Variants in RABGAP1 observed in about 807,000 individuals in gnomAD.
RABGAP1 encodes rab GTPase-activating protein 1.
A neutral mutation model predicts 137.6 loss-of-function variants in RABGAP1; 23 were observed. The ratio of observed to expected loss-of-function variants is 0.17; its 90% CI spans 0.12 to 0.24. RABGAP1 has a LOEUF of 0.24. RABGAP1 is among the 10% of genes least tolerant of loss of function. The pLI, the probability that RABGAP1 is intolerant of heterozygous loss-of-function variation, is 1.00. For synonymous variants in RABGAP1, 451 were observed against 450.7 expected, an observed-to-expected ratio of 1.00 and a Z score of -0.01; for missense variants, 906 against 1,275.8, an observed-to-expected ratio of 0.71 and a Z score of 4.42.
At chr9:123,054,210 G>A (rs1418443057) in intron 13 of RABGAP1, among the ~76,000 whole-genome samples, 1 of 152,172 alleles carries the variant, frequency 6.6e-6, no homozygotes, top group Non-Finnish European at 1.5e-5. Context: ...TTGGGGACAA[G>A]AAAGAAATCA....
chr9:123,007,345 G>C (rs1340388693), intron 10 of RABGAP1, among the ~76,000 whole-genome samples: 1 of 149,184 alleles, frequency 6.7e-6, no homozygotes, highest in African/African-American at 2.5e-5. Context: ...AAATTGCTGG[G>C]ATTATAGGCG....
intron 13 of RABGAP1, among the ~76,000 whole-genome samples, chr9:123,032,106 C>T (rs1157649438): frequency 2.0e-5 from 3 of 152,158 alleles, no homozygotes; most frequent in Non-Finnish European, 4.4e-5. Context: ...AGGAGCCCAG[C>T]CTTAAGCATT....
At position 122,984,562 on chromosome 9, in the gene RABGAP1, G is replaced by T; in HGVS notation, c.228G>T (p.Gln76His). The change falls in exon 3 of 26, where the codon CAG becomes CAT. Residue 76 changes from glutamine (Q) to histidine (H), a missense_variant. Transcript: ENST00000373647. ...DVLMDPPMDD[Q>H]PGEKELVKRS... is the part of the protein sequence containing the mutation. The stretch of plus-strand genomic sequence containing the variant: ...TGATGGATCCTCCAATGGACGACCA[G>T]CCAGGGGAAAAGGAGCTTGTGAAAA... 1.2e-6 allele frequency: 2 copies of T among 1,614,186 alleles called. No individual in the cohort carries two copies. Among genetic ancestry groups the T allele is most frequent in the Non-Finnish European group, 1.7e-6 (2 of 1,180,028 alleles).
chr9:122,982,065 A>T (rs1279790630), intron 2 of RABGAP1, among the ~76,000 whole-genome samples: 1 of 151,998 alleles, frequency 6.6e-6, no homozygotes, highest in African/African-American at 2.4e-5. Context: ...AAAAAAAAAA[A>T]GTATGTGTAC....
intron 1 of RABGAP1, among the ~76,000 whole-genome samples, chr9:122,951,731 G>A (rs996103405): frequency 5.3e-5 from 8 of 152,024 alleles, no homozygotes; most frequent in Admixed American, 2.0e-4. Context: ...CACCACACTT[G>A]ACTAATTTTT....
chr9:123,000,457 A>T lies in RABGAP1; in HGVS notation c.1374+1691A>T, dbSNP rs748192676. Among the ~76,000 whole-genome samples, 39 of 152,068 alleles carry T rather than the reference A, an allele frequency of 2.6e-4. 1 individual carries two copies. Among genetic ancestry groups the T allele is most frequent in the Non-Finnish European group, 4.7e-4 (32 of 67,998 alleles). The stretch of plus-strand genomic sequence containing the variant: ...AAGGTCACCACTGATTTAAATTGCT[A>T]ATCTGAGTCCTCATCTTGACCTGTC... On this transcript the variant is annotated intron_variant, in intron 10 of 25. Coordinates refer to ENST00000373647, the MANE Select transcript of RABGAP1 (RefSeq NM_012197.4).
intron 1 of RABGAP1, among the ~76,000 whole-genome samples, chr9:122,949,111 C>G (rs1834089691): frequency 6.6e-6 from 1 of 152,184 alleles, no homozygotes. Context: ...TGCGGTGGCT[C>G]ACGCTTGTAA....
At chr9:123,005,665 A>G (rs1178747982) in intron 10 of RABGAP1, among the ~76,000 whole-genome samples, 8 of 152,188 alleles carry the variant, frequency 5.3e-5, no homozygotes, top group Admixed American at 5.2e-4. Context: ...TCTGCTATTG[A>G]TGGACACTTG....
intron 11 of RABGAP1, among the ~76,000 whole-genome samples, chr9:123,012,899 G>C (rs1370778204): frequency 2.6e-5 from 4 of 152,160 alleles, no homozygotes; most frequent in Non-Finnish European, 5.9e-5. Flanking sequence ...AACCATTCCT[G>C]CTGTGATTGT....
intron 2 of RABGAP1, among the ~76,000 whole-genome samples, chr9:122,968,203 A>G (rs1235357878): frequency 1.3e-5 from 2 of 151,666 alleles, no homozygotes; most frequent in Non-Finnish European, 2.9e-5. Flanking sequence ...TTTGTGTTAC[A>G]AACAATTCAA....
At chr9:123,016,043 A>G (rs1398184067) in intron 12 of RABGAP1, among the ~76,000 whole-genome samples, 3 of 152,186 alleles carry the variant, frequency 2.0e-5, no homozygotes, top group Non-Finnish European at 4.4e-5. Context: ...AGTATCTAGA[A>G]TGACAGAGCA....
At chr9:123,036,951 A>G (rs1471751309) in intron 13 of RABGAP1, among the ~76,000 whole-genome samples, 1 of 152,136 alleles carries the variant, frequency 6.6e-6, no homozygotes, top group Non-Finnish European at 1.5e-5. Flanking sequence ...TCTTTAGAGC[A>G]AGAGGTTTAT....
At chr9:123,044,182 C>T (rs539382569) in intron 13 of RABGAP1, among the ~76,000 whole-genome samples, 14 of 152,180 alleles carry the variant, frequency 9.2e-5, no homozygotes, top group African/African-American at 2.9e-4. Context: ...GGATTACAGG[C>T]GTGAGCCACC....
At position 122,986,279 on chromosome 9, in the gene RABGAP1, G is replaced by A; in HGVS notation, c.450G>A (p.Leu150=). ...AGGACAGCGTAGTTTTCAGTAAACTGACTTACTTAGGCTGTGCCTCGGTAA... is the reference window on the plus strand; with the variant it reads ...AGGACAGCGTAGTTTTCAGTAAACTAACTTACTTAGGCTGTGCCTCGGTAA... ...ADEDSVVFSK[L]TYLGCASVNA... is the part of the protein sequence containing the mutation. The change falls in exon 4 of 26, where the codon CTG becomes CTA. Residue 150 remains leucine (L), a synonymous_variant. Coordinates refer to ENST00000373647, the MANE Select transcript of RABGAP1 (RefSeq NM_012197.4). The A allele has an allele frequency of 6.2e-7, 1 of 1,614,170 alleles. No individual in the cohort carries two copies. Among genetic ancestry groups the A allele is most frequent in the Non-Finnish European group, 8.5e-7 (1 of 1,180,018 alleles).
chr9:122,984,643 A>T lies in RABGAP1; in HGVS notation c.309A>T (p.Ser103=). Residue 103 remains serine (S), a synonymous_variant, in exon 3 of 26, where the codon TCA becomes TCT. Transcript: ENST00000373647. ...DGPLSNQLSA[S]STINPVPLVG... ...CTCTTTCTAATCAGCTCTCCGCTTC[A>T]TCCACCATTAACCCTGTGCCATTAG... 2 of 1,614,208 alleles carry T rather than the reference A, an allele frequency of 1.2e-6. No homozygotes were observed. The highest frequency in any genetic ancestry group is 1.7e-6 in the Non-Finnish European group (2 of 1,180,030).
chr9:123,092,032 A>G (rs1478534164), intron 21 of RABGAP1, among the ~76,000 whole-genome samples: 3 of 152,160 alleles, frequency 2.0e-5, no homozygotes, highest in African/African-American at 7.2e-5. Context: ...TCATGCAGAA[A>G]GGAGGAAAAA....
At chr9:123,003,462 T>G (rs958810040) in intron 10 of RABGAP1, among the ~76,000 whole-genome samples, 2 of 152,236 alleles carry the variant, frequency 1.3e-5, no homozygotes, top group African/African-American at 2.4e-5. Flanking sequence ...TTTAAAATTT[T>G]AACCATTTTC....
At chr9:122,986,194 C>T in intron 3 of RABGAP1, 21 bp from the exon 4 acceptor site, 1 of 1,601,104 alleles carries the variant, frequency 6.2e-7, no homozygotes, top group Non-Finnish European at 8.6e-7. Context: ...TAATCACTTC[C>T]TTATTCATTG....
At chr9:123,011,185 A>G (rs996117291) in intron 11 of RABGAP1, among the ~76,000 whole-genome samples, 4 of 152,212 alleles carry the variant, frequency 2.6e-5, no homozygotes, top group African/African-American at 7.2e-5. Flanking sequence ...CCTGATTACA[A>G]TATAAGATCA....
Sources: gnomAD v4.1 joint callset for allele counts (sites outside exome capture counted in the v4.1 genomes callset) on GRCh38, gnomAD v4.1.1 for gene constraint, MANE v1.5 for transcripts, NCBI Gene and HGNC (gene_info 2026-07-23, HGNC 2026-07-21) for gene names.